The following LCA5 variants were observed in gnomAD, a reference collection of about 807,000 sequenced individuals.
The protein encoded by LCA5 is lebercilin LCA5, also known as lebercilin.
Under a neutral mutation model 53.0 loss-of-function variants are expected in LCA5, and 37 were observed. That is an observed-to-expected ratio of 0.70 (90% CI 0.54 to 0.92). The LOEUF (loss-of-function observed/expected upper bound fraction) is 0.92, where lower values mean the gene tolerates loss of function less well. Ranked by LOEUF, LCA5 falls within the 40% of genes least tolerant of loss-of-function variation. The pLI is 0.00. For missense variants in LCA5, 806 were observed against 790.5 expected (o/e 1.02, Z -0.23); for synonymous variants, 303 against 282.9 (o/e 1.07, Z -0.71).
chr6:79,487,016 T>C lies in LCA5; in HGVS notation c.2082A>G (p.Val694=), dbSNP rs1440562887. 2 of 1,613,000 alleles carry C rather than the reference T, an allele frequency of 1.2e-6. No individual in the cohort carries two copies. ...ADSVEDEIEE[V]ALR ...ATACTCTAGTCAGTCATCTCAGTGC[T>C]ACTTCTTCAATTTCATCTTCTACAG... Residue 694 remains valine (V), a synonymous_variant, in exon 8 of 8, where the codon GTA becomes GTG. Coordinates refer to ENST00000369846, the MANE Select transcript of LCA5 (RefSeq NM_001122769.3).
chr6:79,507,441 G>A (rs1294494636), intron 3 of LCA5, among the ~76,000 whole-genome samples: 5 of 152,098 alleles, frequency 3.3e-5, no homozygotes, highest in African/African-American at 1.2e-4. Context: ...AAGGGGTCTT[G>A]AGAGCAAAGG....
intron 3 of LCA5, among the ~76,000 whole-genome samples, chr6:79,506,946 A>C (rs967380761): frequency 2.0e-5 from 3 of 152,218 alleles, no homozygotes; most frequent in Non-Finnish European, 4.4e-5. Context: ...TAGTGTATCC[A>C]AATACAAAAC....
At chr6:79,497,452 T>C (rs1353170143) in intron 3 of LCA5, among the ~76,000 whole-genome samples, 2 of 152,024 alleles carry the variant, frequency 1.3e-5, no homozygotes, top group Admixed American at 1.3e-4. Context: ...TCACCAAAAA[T>C]ACAAAAACCT....
At chr6:79,538,706 C>T (rs904059077), upstream of LCA5, among the ~76,000 whole-genome samples, 1 of 152,174 alleles carries the variant, frequency 6.6e-6, no homozygotes, top group African/African-American at 2.4e-5. Context: ...ACCGTATTTA[C>T]GTGGACAAAT....
Position 79,537,191 on chromosome 6 carries a change from G to A in LCA5, c.-218C>T, listed in dbSNP as rs1277052901. 1 of 152,706 alleles carries A rather than the reference G, an allele frequency of 6.5e-6. No homozygotes were observed. Among genetic ancestry groups the A allele is most frequent in the Non-Finnish European group, 1.5e-5 (1 of 68,320 alleles). 9.5% of individuals were successfully genotyped at this position (152,706 alleles called of 1,614,324 possible). A position where few individuals can be genotyped will look rare whatever the true frequency, so the allele number is the denominator to read the frequency against. On this transcript the variant is annotated 5_prime_UTR_variant, in exon 1 of 8. Coordinates refer to ENST00000369846, the MANE Select transcript of LCA5 (RefSeq NM_001122769.3). Reference sequence around the variant, plus strand: ...TCCAACCCGCAGGCTCTTCAGCAGAGCCGATGCGGCGTCCCGCCTCCTTGC... The same window carrying A: ...TCCAACCCGCAGGCTCTTCAGCAGAACCGATGCGGCGTCCCGCCTCCTTGC...
At chr6:79,520,428 A>G (rs1766592956) in intron 1 of LCA5, among the ~76,000 whole-genome samples, 2 of 152,146 alleles carry the variant, frequency 1.3e-5, no homozygotes, top group Non-Finnish European at 2.9e-5. Context: ...TTTTCCAAGC[A>G]AGGAATACAA....
intron 2 of LCA5, among the ~76,000 whole-genome samples, chr6:79,514,126 T>G (rs1430169345): frequency 1.3e-5 from 2 of 152,166 alleles, no homozygotes; most frequent in Non-Finnish European, 2.9e-5. Flanking sequence ...ATTGTGATAT[T>G]CAAGTCATTC....
intron 6 of LCA5, among the ~76,000 whole-genome samples, chr6:79,489,564 G>A (rs911107608): frequency 6.6e-6 from 1 of 152,102 alleles, no homozygotes; most frequent in African/African-American, 2.4e-5. Flanking sequence ...AAGCAGAAAT[G>A]ACTATTCGCC....
In LCA5 at chr6:79,493,717, T is replaced by C. The variant is rs1482014106; in HGVS notation, c.754A>G (p.Ser252Gly). 6.2e-7 allele frequency: 1 copy of C among 1,613,628 alleles called. No homozygotes were observed. The highest frequency in any genetic ancestry group is 8.5e-7 in the Non-Finnish European group (1 of 1,179,686). The change falls in exon 4 of 8, where the codon AGT becomes GGT. Residue 252 changes from serine to glycine, a missense_variant. Ser to Gly is a moderately conservative substitution (Grantham distance 56, BLOSUM62 0). Coordinates refer to ENST00000369846, the MANE Select transcript of LCA5 (RefSeq NM_001122769.3). ...TCAGCAAGCAACTGTCGTTGGAAAC[T>C]GTTAGTACTCAGTTCAAGGTTTTTC... ...LSKNLELSTN[S>G]FQRQLLAERK...
chr6:79,503,426 G>C (rs2127674286), intron 3 of LCA5, among the ~76,000 whole-genome samples: 1 of 152,126 alleles, frequency 6.6e-6, no homozygotes, highest in African/African-American at 2.4e-5. Flanking sequence ...AAAACCAATA[G>C]ACCAAATCAG....
chr6:79,536,609 C>T (rs1261973975), intron 1 of LCA5, among the ~76,000 whole-genome samples: 2 of 152,194 alleles, frequency 1.3e-5, no homozygotes, highest in East Asian at 3.9e-4. Context: ...CTCCTCTCAT[C>T]CCATCCCTGA....
At chr6:79,503,419 A>G (rs938161763) in intron 3 of LCA5, among the ~76,000 whole-genome samples, 1 of 152,114 alleles carries the variant, frequency 6.6e-6, no homozygotes, top group Non-Finnish European at 1.5e-5. Flanking sequence ...AATTTGAAAA[A>G]CCAATAGACC....
intron 2 of LCA5, among the ~76,000 whole-genome samples, chr6:79,518,241 C>A (rs1286996418): frequency 1.3e-5 from 2 of 152,072 alleles, no homozygotes; most frequent in Non-Finnish European, 2.9e-5. Context: ...CAATTCCATT[C>A]CTAGGTTTAA....
At chr6:79,497,482 A>G (rs1374321422) in intron 3 of LCA5, among the ~76,000 whole-genome samples, 6 of 152,236 alleles carry the variant, frequency 3.9e-5, no homozygotes, top group Non-Finnish European at 8.8e-5. Flanking sequence ...ACAATGAAAC[A>G]TAAGAGAAAT....
At position 79,486,854 on chromosome 6, in the gene LCA5, T is replaced by TCTA; in HGVS notation, c.*147_*149dup. 1 of 660,554 alleles carries TCTA rather than the reference T, an allele frequency of 1.5e-6. No individual in the cohort carries two copies. The highest frequency in any genetic ancestry group is 2.5e-6 in the Non-Finnish European group (1 of 400,416). The allele number at this position is 660,554 out of a possible 1,614,324, so 40.9% of individuals were successfully genotyped here. On this transcript the variant is annotated 3_prime_UTR_variant, in exon 8 of 8. Coordinates refer to ENST00000369846, the MANE Select transcript of LCA5 (RefSeq NM_001122769.3). ...AACTATCTATGTGGTGTATGTATGA[T>TCTA]CTACTTCTTTTTAACTGCATTGTAT...
intron 6 of LCA5, 28 bp from the exon 7 acceptor site, chr6:79,489,244 TC>T: frequency 1.2e-6 from 2 of 1,606,172 alleles, no homozygotes; most frequent in Non-Finnish European, 1.7e-6. Flanking sequence ...AAATGCAAGT[TC>T]ACAAATTATA....
At chr6:79,519,943 A>C (rs1163987525) in intron 1 of LCA5, among the ~76,000 whole-genome samples, 4 of 152,066 alleles carry the variant, frequency 2.6e-5, no homozygotes, top group Admixed American at 2.6e-4. Context: ...GACTCCAAAA[A>C]GGCAACATAA....
chr6:79,490,875 C>G (rs1769818558), intron 6 of LCA5, among the ~76,000 whole-genome samples: 1 of 151,944 alleles, frequency 6.6e-6, no homozygotes, highest in South Asian at 2.1e-4. Context: ...AGATAAAACT[C>G]TCTTAGAGAA....
upstream of LCA5, among the ~76,000 whole-genome samples, chr6:79,538,023 T>G (rs897870905): frequency 9.1e-5 from 6 of 65,854 alleles, no homozygotes; most frequent in Non-Finnish European, 1.7e-4. Context: ...CACAAGTTTT[T>G]TTTTTTTTTT....
Sources: allele counts gnomAD v4.1 joint callset (sites outside exome capture counted in the v4.1 genomes callset), GRCh38; gene constraint gnomAD v4.1.1; transcripts MANE v1.5; gene names NCBI Gene and HGNC (gene_info 2026-07-23, HGNC 2026-07-21).